DHX16: variants seen among roughly 807,000 people sequenced by gnomAD.
DHX16 encodes DEAH-box helicase 16.
DHX16 carries 81 observed loss-of-function variants against 131.2 expected under a neutral mutation model. The ratio of observed to expected loss-of-function variants is 0.62; its 90% CI spans 0.52 to 0.74. The LOEUF is 0.74. Ranked by LOEUF, DHX16 falls within the 30% of genes least tolerant of loss-of-function variation. The pLI is 0.00. For missense variants in DHX16, 980 were observed against 1,363.1 expected (o/e 0.72, Z 4.43); for synonymous variants, 440 against 520.2 (o/e 0.85, Z 2.10).
In DHX16 at chr6:30,657,092, C is replaced by A. The variant is rs755572358; in HGVS notation, c.2008G>T (p.Val670Leu). 17 of 1,611,910 alleles carry A rather than the reference C, an allele frequency of 1.1e-5. No individual in the cohort carries two copies. In the Admixed American group the frequency reaches 1.7e-4, roughly 16 times the overall value. The change falls in exon 13 of 20, where the codon GTG becomes TTG. Residue 670 changes from valine (V) to leucine (L), a missense_variant and splice_region_variant. Val to Leu is a conservative substitution (Grantham distance 32). Coordinates refer to ENST00000376442, the MANE Select transcript of DHX16 (RefSeq NM_003587.5). Reference sequence around the variant, plus strand: ...TCAGCAATGTTCGTTGCCACAACCACCTGAGTGATAGGATATGGGGTCACC... The same window carrying A: ...TCAGCAATGTTCGTTGCCACAACCAACTGAGTGATAGGATATGGGGTCACC... ...FQPTPPGARKVVVATNIAETS... is the reference protein window; with the variant it reads ...FQPTPPGARKLVVATNIAETS...
chr6:30,671,867 G>C (rs1215348670), intron 1 of DHX16, among the ~76,000 whole-genome samples: 2 of 150,934 alleles, frequency 1.3e-5, no homozygotes, highest in African/African-American at 2.4e-5. Flanking sequence ...TTTTTTTGTA[G>C]GACGAAGGTT....
intron 4 of DHX16, among the ~76,000 whole-genome samples, chr6:30,666,252 A>C (rs1769034769): frequency 6.6e-6 from 1 of 152,192 alleles, no homozygotes; most frequent in Non-Finnish European, 1.5e-5. Flanking sequence ...CTGATTATAA[A>C]AAGTTAGGAC....
intron 19 of DHX16, among the ~76,000 whole-genome samples, chr6:30,653,746 T>C (rs1012501101): frequency 5.9e-5 from 9 of 152,166 alleles, no homozygotes; most frequent in African/African-American, 2.2e-4. Flanking sequence ...TAAAGGTGCC[T>C]GGCTCTATTA....
At position 30,670,702 on chromosome 6, in the gene DHX16, C is replaced by A; in HGVS notation, c.609+88G>T. On this transcript the variant is annotated intron_variant, in intron 3 of 19. Transcript: ENST00000376442. The surrounding 1 kb of genome is among the most constrained non-coding windows in gnomAD (Gnocchi z 4.4). ...TCACTAGAGACAGCCCCTTGTCTTC[C>A]CAGAGATCACTATCTCTGCACTCAC... is the stretch of plus-strand genomic sequence containing the variant. 2 of 1,542,158 alleles carry A rather than the reference C, an allele frequency of 1.3e-6. No homozygotes were observed. The highest frequency in any genetic ancestry group is 1.8e-6 in the Non-Finnish European group (2 of 1,128,196).
chr6:30,666,301 G>A (rs1478727880), intron 4 of DHX16, among the ~76,000 whole-genome samples: 1 of 152,240 alleles, frequency 6.6e-6, no homozygotes, highest in African/African-American at 2.4e-5. Flanking sequence ...AATGTAATCA[G>A]GGATGTTTGG....
Position 30,672,903 on chromosome 6 carries a change from C to T in DHX16, c.-62G>A, listed in dbSNP as rs1341137163. The T allele has an allele frequency of 1.3e-6, 2 of 1,598,696 alleles. No individual in the cohort carries two copies. The highest frequency in any genetic ancestry group is 1.7e-5 in the Admixed American group (1 of 57,358). On this transcript the variant is annotated 5_prime_UTR_variant, in exon 1 of 20. Transcript: ENST00000376442. ...CGGGCAGCCGCGCTCACTGCTGGGC[C>T]GGTCAGAGGCCTGGAGCCCTCGGCT...
Position 30,665,433 on chromosome 6 carries a change from AC to A in DHX16, c.921+45del, listed in dbSNP as rs1279542045. ...CCAATCCCCTGAAGCCTTCCCCACA[AC>A]TTGTCTTGGGGACCAAGGCTGAAGC... On this transcript the variant is annotated intron_variant, in intron 5 of 19. Transcript: ENST00000376442. This position sits in a 1 kb window ranked among gnomAD's most constrained non-coding sequence, Gnocchi z 4.8. The A allele has an allele frequency of 1.3e-6, 2 of 1,593,000 alleles. No individual in the cohort carries two copies. The highest frequency in any genetic ancestry group is 2.7e-5 in the African/African-American group (2 of 74,386).
chr6:30,672,876 G>T lies in DHX16; in HGVS notation c.-35C>A. The T allele has an allele frequency of 6.2e-7, 1 of 1,609,316 alleles. No homozygotes were observed. Among genetic ancestry groups the T allele is most frequent in the Non-Finnish European group, 8.5e-7 (1 of 1,177,944 alleles). On this transcript the variant is annotated 5_prime_UTR_variant, in exon 1 of 20. Coordinates refer to ENST00000376442, the MANE Select transcript of DHX16 (RefSeq NM_003587.5). ...CGCTCCCTGCTCCCGGCCCTGAAGC[G>T]TCGGGCAGCCGCGCTCACTGCTGGG...
intron 1 of DHX16, among the ~76,000 whole-genome samples, chr6:30,671,634 C>T (rs1481426572): frequency 2.0e-5 from 3 of 151,718 alleles, no homozygotes; most frequent in Non-Finnish European, 4.4e-5. Context: ...CATGAGCCAC[C>T]ACACCCGGGC....
rs1333183758 is a variant in DHX16 at position 30,660,091 on chromosome 6, C to G, written c.1696G>C (p.Asp566His). ...CCGGGGATTCGAAACACAGGGGCGTCATCAAAGAAGGTGGAAAAACGGGCA... is the reference window on the plus strand; with the variant it reads ...CCGGGGATTCGAAACACAGGGGCGTGATCAAAGAAGGTGGAAAAACGGGCA... The part of the protein sequence containing the change: ...DTARFSTFFD[D>H]APVFRIPGRR... The change falls in exon 10 of 20, where the codon GAC becomes CAC. Residue 566 changes from aspartate to histidine, a missense_variant. By Grantham distance (81) the Asp-to-His change is moderately conservative. This residue lies in a region of DHX16 where 309 missense variants were observed against 537.1 expected (regional missense o/e 0.58). Transcript: ENST00000376442. 4 of 1,612,784 alleles carry G rather than the reference C, an allele frequency of 2.5e-6. No homozygotes were observed. In the South Asian group the frequency reaches 4.4e-5, roughly 18 times the overall value.
At chr6:30,667,169 G>A (rs1769119789) in intron 4 of DHX16, among the ~76,000 whole-genome samples, 1 of 152,120 alleles carries the variant, frequency 6.6e-6, no homozygotes, top group South Asian at 2.1e-4. Flanking sequence ...GTATTTAAAA[G>A]GAAACAAACA....
At chr6:30,663,720 C>CAAAAA (rs537931461) in intron 7 of DHX16, among the ~76,000 whole-genome samples, 1 of 50,714 alleles carries the variant, frequency 2.0e-5, no homozygotes. Flanking sequence ...GACTCTGTCT[C>CAAAAA]AAAAAAAAAA....
chr6:30,665,622 C>A lies in DHX16; in HGVS notation c.778G>T (p.Val260Leu). ...LADEEFLFGDVELSRHERQEL... is the reference protein window; with the variant it reads ...LADEEFLFGDLELSRHERQEL... Reference sequence around the variant, plus strand: ...TGCCGCTCGTGCCGGCTCAGCTCCACGTCCCCAAAAAGGAACTCCTCATCA... The same window carrying A: ...TGCCGCTCGTGCCGGCTCAGCTCCAAGTCCCCAAAAAGGAACTCCTCATCA... Residue 260 changes from valine (V) to leucine (L), a missense_variant, in exon 5 of 20, where the codon GTG becomes TTG. This residue lies in a region of DHX16 where 457 missense variants were observed against 554.8 expected (regional missense o/e 0.82). Coordinates refer to ENST00000376442, the MANE Select transcript of DHX16 (RefSeq NM_003587.5). This position sits in a 1 kb window ranked among gnomAD's most constrained non-coding sequence, Gnocchi z 4.8. The A allele has an allele frequency of 1.2e-6, 2 of 1,612,920 alleles. No homozygotes were observed. The highest frequency in any genetic ancestry group is 1.3e-5 in the African/African-American group (1 of 75,062).
rs1324816683 is a variant in DHX16 at position 30,665,316 on chromosome 6, T to C, written c.922-42A>G. 1.3e-6 allele frequency: 2 copies of C among 1,596,438 alleles called. No individual in the cohort carries two copies. The highest frequency in any genetic ancestry group is 1.7e-6 in the Non-Finnish European group (2 of 1,176,338). On this transcript the variant is annotated intron_variant, in intron 5 of 19. Transcript: ENST00000376442. The surrounding 1 kb of genome is among the most constrained non-coding windows in gnomAD (Gnocchi z 4.8). The stretch of plus-strand genomic sequence containing the variant: ...TATGTGAAGACTCAAAAACAGGATG[T>C]CCTCTCTGCCCTCTCCCCTCTTCCC...
chr6:30,662,224 T>A lies in DHX16; in HGVS notation c.1544+403A>T, dbSNP rs189593271. ...AGTTGGAATCTGTCTCCCTGTAACC[T>A]CCCCATGGCTCCTAGCTATGTCGTG... On this transcript the variant is annotated intron_variant, in intron 9 of 19. Transcript: ENST00000376442. This position sits in a 1 kb window ranked among gnomAD's most constrained non-coding sequence, Gnocchi z 4.7. Among the ~76,000 whole-genome samples, 26 of 152,200 alleles carry A rather than the reference T, an allele frequency of 1.7e-4. No individual in the cohort carries two copies. The highest frequency in any genetic ancestry group is 3.7e-4 in the Non-Finnish European group (25 of 67,996).
At position 30,664,961 on chromosome 6, in the gene DHX16, G is replaced by A; in HGVS notation, c.1157C>T (p.Ala386Val). 1 of 1,614,098 alleles carries A rather than the reference G, an allele frequency of 6.2e-7. No homozygotes were observed. The highest frequency in any genetic ancestry group is 8.5e-7 in the Non-Finnish European group (1 of 1,180,032). The change falls in exon 7 of 20, where the codon GCC becomes GTC. Residue 386 changes from alanine (A) to valine (V), a missense_variant. This residue lies in a region of DHX16 where 457 missense variants were observed against 554.8 expected (regional missense o/e 0.82). Transcript: ENST00000376442. ...GGCCTGGATGGACTCTTTCTGCTGG[G>A]CCTGAGTTGAAGTGGGTGGAGCTGA... ...EPSAPPTSTQ[A>V]QQKESIQAVR...
At chr6:30,655,747 C>A in intron 16 of DHX16, 150 bp from the exon 17 acceptor site, 1 of 836,386 alleles carries the variant, frequency 1.2e-6, no homozygotes, top group South Asian at 1.7e-5. Context: ...CAGATAGATT[C>A]TGGCAGCAGC....
chr6:30,672,889 G>A lies in DHX16; in HGVS notation c.-48C>T, dbSNP rs762577448. 95 of 1,604,860 alleles carry A rather than the reference G, an allele frequency of 5.9e-5. 1 individual carries two copies. The South Asian group carries it at 1.0e-3, about 17-fold the overall frequency. On this transcript the variant is annotated 5_prime_UTR_variant, in exon 1 of 20. Transcript: ENST00000376442. ...CGGCCCTGAAGCGTCGGGCAGCCGC[G>A]CTCACTGCTGGGCCGGTCAGAGGCC...
chr6:30,671,298 G>A, intron 1 of DHX16, 24 bp from the exon 2 acceptor site: 1 of 1,607,370 alleles, frequency 6.2e-7, no homozygotes. Context: ...GGAAGATAAG[G>A]AGGTCTGAGC....
Sources: allele counts gnomAD v4.1 joint callset (sites outside exome capture counted in the v4.1 genomes callset), GRCh38; gene constraint gnomAD v4.1.1; regional missense constraint gnomAD v4.1.1; non-coding constraint Gnocchi (gnomAD v3.1); transcripts MANE v1.5; gene names NCBI Gene and HGNC (gene_info 2026-07-23, HGNC 2026-07-21).